Variants in GRM5 observed in about 807,000 individuals in gnomAD.
GRM5 encodes the protein glutamate metabotropic receptor 5.
GRM5 carries 19 observed loss-of-function variants against 83.1 expected under a neutral mutation model. The ratio of observed to expected loss-of-function variants is 0.23; its 90% CI spans 0.16 to 0.34. The LOEUF (loss-of-function observed/expected upper bound fraction) is 0.34, where lower values mean the gene tolerates loss of function less well. GRM5 is among the 10% of genes least tolerant of loss of function. GRM5 has a pLI of 1.00. For missense variants in GRM5, 1,160 were observed against 1,588.3 expected (o/e 0.73, Z 4.58); for synonymous variants, 675 against 633.6 (o/e 1.07, Z -0.98).
At chr11:88,661,351 T>C (rs1591421005) in intron 3 of GRM5, among the ~76,000 whole-genome samples, 1 of 152,196 alleles carries the variant, frequency 6.6e-6, no homozygotes, top group Admixed American at 6.6e-5. Context: ...ATGTGCCTTA[T>C]AAATGACTCT....
chr11:88,950,091 G>A (rs1938409214), intron 2 of GRM5, among the ~76,000 whole-genome samples: 1 of 151,128 alleles, frequency 6.6e-6, no homozygotes, highest in African/African-American at 2.4e-5. Flanking sequence ...AGCCAGGATG[G>A]TCTCGATCTC....
chr11:88,693,474 T>A (rs966944852), intron 3 of GRM5, among the ~76,000 whole-genome samples: 3 of 152,122 alleles, frequency 2.0e-5, no homozygotes, highest in Admixed American at 6.6e-5. Flanking sequence ...TCTGAAAATG[T>A]TGAGAAACAA....
intron 2 of GRM5, among the ~76,000 whole-genome samples, chr11:88,857,943 G>A (rs116352338): frequency 0.026 from 3,879 of 152,100 alleles, 178 homozygotes; most frequent in African/African-American, 0.089. Flanking sequence ...CAAAGGACTG[G>A]AATAAAAAGT....
At chr11:89,064,929 AGAGAGAGAGAGG>A (rs112633681) in intron 1 of GRM5, among the ~76,000 whole-genome samples, 25,796 of 100,862 alleles carry the variant, frequency 0.26, 4,179 homozygotes, top group Non-Finnish European at 0.32. Context: ...AGAGAGAGAG[AGAGAGAGAGAGG>A]GAGAGAGAGA....
intron 4 of GRM5, among the ~76,000 whole-genome samples, chr11:88,617,728 C>T (rs941894256): frequency 2.6e-5 from 4 of 152,054 alleles, no homozygotes; most frequent in African/African-American, 7.2e-5. Flanking sequence ...CAACAGTGTG[C>T]GGGGGAAAAT....
chr11:88,807,301 G>A (rs1215691299), intron 3 of GRM5, among the ~76,000 whole-genome samples: 1 of 152,058 alleles, frequency 6.6e-6, no homozygotes, highest in African/African-American at 2.4e-5. Context: ...CTCAAATGAA[G>A]CATATTACTG....
chr11:88,665,856 G>GGA (rs1554990297), intron 3 of GRM5, among the ~76,000 whole-genome samples: 148 of 146,160 alleles, frequency 1.0e-3, no homozygotes, highest in Middle Eastern at 7.1e-3. Flanking sequence ...TGATCCAGGA[G>GGA]AAAAAAAAAA....
chr11:88,840,053 G>T (rs1944168794), intron 3 of GRM5, among the ~76,000 whole-genome samples: 1 of 152,182 alleles, frequency 6.6e-6, no homozygotes, highest in African/African-American at 2.4e-5. Context: ...TGTTTCAGGG[G>T]TGGCAGTGGT....
intron 2 of GRM5, among the ~76,000 whole-genome samples, chr11:88,955,180 T>C (rs1056438707): frequency 2.0e-5 from 3 of 152,212 alleles, no homozygotes; most frequent in African/African-American, 7.2e-5. Flanking sequence ...ACTTGTTCAG[T>C]TACAGAACCA....
At chr11:88,846,115 G>A (rs1386759214) in intron 3 of GRM5, among the ~76,000 whole-genome samples, 1 of 152,044 alleles carries the variant, frequency 6.6e-6, no homozygotes, top group Non-Finnish European at 1.5e-5. Flanking sequence ...AATAATCATC[G>A]TAGTAAAGAA....
intron 2 of GRM5, among the ~76,000 whole-genome samples, chr11:88,924,168 C>G (rs190460349): frequency 6.6e-6 from 1 of 150,732 alleles, no homozygotes; most frequent in Non-Finnish European, 1.5e-5. Flanking sequence ...CATTGTTAGC[C>G]AGGGTGTGGA....
intron 8 of GRM5, among the ~76,000 whole-genome samples, chr11:88,550,767 T>A (rs1275518968): frequency 1.3e-5 from 2 of 152,214 alleles, no homozygotes. Flanking sequence ...TGATGATAAT[T>A]TCCCAAATGT....
intron 2 of GRM5, among the ~76,000 whole-genome samples, chr11:88,884,917 CT>C: frequency 6.6e-6 from 1 of 152,124 alleles, no homozygotes; most frequent in East Asian, 1.9e-4. Context: ...ATTACCCAGT[CT>C]TGGATATGTC....
chr11:88,661,250 T>C (rs1939898381), intron 3 of GRM5, among the ~76,000 whole-genome samples: 1 of 152,170 alleles, frequency 6.6e-6, no homozygotes, highest in African/African-American at 2.4e-5. Context: ...GTTTAAAAAT[T>C]AGGTTTTAAA....
At chr11:88,774,289 A>C (rs1185202052) in intron 3 of GRM5, among the ~76,000 whole-genome samples, 1 of 152,136 alleles carries the variant, frequency 6.6e-6, no homozygotes, top group South Asian at 2.1e-4. Flanking sequence ...TGATTTTTGC[A>C]CATTGATTTT....
In GRM5 at chr11:88,651,946, G is replaced by A. The variant is rs1398423903; in HGVS notation, c.1147+1222C>T. On this transcript the variant is annotated intron_variant, in intron 4 of 9. Coordinates refer to ENST00000305447, the MANE Select transcript of GRM5 (RefSeq NM_001143831.3). Reference sequence around the variant, plus strand: ...ACACAGGATGAACATGACCTCAGAGGGGGAAATCTTTATGAATAGCTCACT... The same window carrying A: ...ACACAGGATGAACATGACCTCAGAGAGGGAAATCTTTATGAATAGCTCACT... Among the ~76,000 whole-genome samples the A allele has an allele frequency of 2.0e-5, 3 of 151,936 alleles. No homozygotes were observed. The East Asian group carries it at 5.8e-4, about 29-fold the overall frequency.
intron 2 of GRM5, among the ~76,000 whole-genome samples, chr11:88,983,661 C>A (rs1415260516): frequency 6.6e-6 from 1 of 152,084 alleles, no homozygotes; most frequent in Non-Finnish European, 1.5e-5. Flanking sequence ...AATTTATGTA[C>A]TTCTGATAAT....
intron 2 of GRM5, among the ~76,000 whole-genome samples, chr11:88,880,119 T>A (rs1241243987): frequency 6.6e-6 from 1 of 152,046 alleles, no homozygotes; most frequent in Non-Finnish European, 1.5e-5. Context: ...AATAGAAGCA[T>A]CTTTTGCTAG....
intron 3 of GRM5, among the ~76,000 whole-genome samples, chr11:88,843,930 T>C (rs1944252819): frequency 6.6e-6 from 1 of 152,182 alleles, no homozygotes; most frequent in South Asian, 2.1e-4. Flanking sequence ...TTACAGAAGA[T>C]GTGTAAAGCT....
Sources: allele counts gnomAD v4.1 joint callset (sites outside exome capture counted in the v4.1 genomes callset), GRCh38; gene constraint gnomAD v4.1.1; transcripts MANE v1.5; gene names NCBI Gene and HGNC (gene_info 2026-07-23, HGNC 2026-07-21).